The following SLC36A1 variants were observed in gnomAD, a reference collection of about 807,000 sequenced individuals.
SLC36A1 encodes proton-coupled amino acid transporter 1.
SLC36A1 carries 30 observed loss-of-function variants against 47.5 expected under a neutral mutation model. The observed-to-expected ratio is 0.63, with a 90% confidence interval of 0.47 to 0.86. The LOEUF is 0.86. Among genes scored for constraint, SLC36A1 ranks in the 40% least tolerant of loss-of-function variants. The pLI is 0.00. For synonymous variants in SLC36A1, 255 were observed against 249.7 expected (o/e 1.02, Z -0.20); for missense variants, 517 against 606.0 (o/e 0.85, Z 1.54).
the SLC36A1 span, among the ~76,000 whole-genome samples, chr5:151,509,023 T>G: frequency 6.6e-6 from 1 of 152,180 alleles, no homozygotes; most frequent in Non-Finnish European, 1.5e-5. Flanking sequence ...TCAAAGTCTC[T>G]TTCTCTCTAG....
chr5:151,380,118 A>C, the SLC36A1 span, among the ~76,000 whole-genome samples: 2 of 152,214 alleles, frequency 1.3e-5, no homozygotes, highest in Non-Finnish European at 1.5e-5. Flanking sequence ...AATCTACCAG[A>C]CTATTCAAGA....
chr5:151,553,277 G>A, the SLC36A1 span: 8 of 1,614,252 alleles, frequency 5.0e-6, no homozygotes, highest in Non-Finnish European at 6.8e-6. Context: ...AGCTGTAGTA[G>A]GTCTCATCAA....
At chr5:151,546,878 A>G in the SLC36A1 span, among the ~76,000 whole-genome samples, 4 of 152,230 alleles carry the variant, frequency 2.6e-5, no homozygotes, top group South Asian at 8.3e-4. Flanking sequence ...GTGCCTGGCT[A>G]CATTTTTAAT....
chr5:151,380,542 C>A, the SLC36A1 span: 1 of 530,622 alleles, frequency 1.9e-6, no homozygotes. Flanking sequence ...GTGGGTGATC[C>A]TAGACAAGTT....
chr5:151,370,730 C>T, the SLC36A1 span, among the ~76,000 whole-genome samples: 2 of 152,184 alleles, frequency 1.3e-5, no homozygotes, highest in South Asian at 2.1e-4. Flanking sequence ...CGGCAGCTCA[C>T]GCCTGTAATC....
At chr5:151,390,683 T>G in the SLC36A1 span, among the ~76,000 whole-genome samples, 1 of 152,216 alleles carries the variant, frequency 6.6e-6, no homozygotes, top group Non-Finnish European at 1.5e-5. Context: ...CCATTTCTTG[T>G]TTTTGTCAGG....
upstream of SLC36A1, among the ~76,000 whole-genome samples, chr5:151,446,488 C>T (rs1752927225): frequency 6.6e-6 from 1 of 152,102 alleles, no homozygotes; most frequent in Admixed American, 6.5e-5. Context: ...CAAGATTGCA[C>T]CACTGCACTC....
chr5:151,479,659 T>C, intron 10 of SLC36A1, 170 bp downstream of exon 10: 1 of 644,808 alleles, frequency 1.6e-6, no homozygotes, highest in Non-Finnish European at 2.6e-6. Context: ...GATGGGGAAG[T>C]GAATTAATTA....
chr5:151,382,810 A>C, the SLC36A1 span, among the ~76,000 whole-genome samples: 1 of 152,320 alleles, frequency 6.6e-6, no homozygotes, highest in East Asian at 1.9e-4. Context: ...CTGTTAGTTG[A>C]GCCATCTTTC....
chr5:151,552,555 A>G, the SLC36A1 span, among the ~76,000 whole-genome samples: 4 of 152,164 alleles, frequency 2.6e-5, no homozygotes, highest in African/African-American at 9.7e-5. Flanking sequence ...TCTAAATTGT[A>G]TGCAGATTTA....
the SLC36A1 span, chr5:151,525,861 G>A: frequency 2.0e-5 from 32 of 1,614,086 alleles, no homozygotes; most frequent in Middle Eastern, 1.6e-4. Flanking sequence ...AGGCAGAGCC[G>A]TTGTTCCCCT....
At chr5:151,528,148 G>A in the SLC36A1 span, 2 of 1,612,708 alleles carry the variant, frequency 1.2e-6, no homozygotes, top group East Asian at 2.2e-5. Context: ...GGTGGGGTAG[G>A]GGGATTGTGA....
At chr5:151,403,297 A>G in the SLC36A1 span, among the ~76,000 whole-genome samples, 3 of 152,074 alleles carry the variant, frequency 2.0e-5, no homozygotes, top group East Asian at 5.8e-4. Context: ...CCCCACTTAA[A>G]TCTCATGTTC....
chr5:151,522,463 A>G, the SLC36A1 span, among the ~76,000 whole-genome samples: 1 of 152,158 alleles, frequency 6.6e-6, no homozygotes, highest in African/African-American at 2.4e-5. Flanking sequence ...TGTCTCAGCA[A>G]TTCTGATGCA....
chr5:151,473,394 G>A (rs1757597358), intron 7 of SLC36A1, among the ~76,000 whole-genome samples: 1 of 152,100 alleles, frequency 6.6e-6, no homozygotes, highest in Non-Finnish European at 1.5e-5. Flanking sequence ...GGATTACCTA[G>A]TGAAAGAATG....
the SLC36A1 span, among the ~76,000 whole-genome samples, chr5:151,375,222 A>G: frequency 1.3e-5 from 2 of 152,054 alleles, no homozygotes; most frequent in Non-Finnish European, 2.9e-5. Context: ...ATCCAACTTG[A>G]GTTGATTTTT....
At chr5:151,544,360 G>C in the SLC36A1 span, 1 of 1,614,180 alleles carries the variant, frequency 6.2e-7, no homozygotes, top group Non-Finnish European at 8.5e-7. Flanking sequence ...TTCCACTGTG[G>C]CTTCAGAAAA....
chr5:151,468,421 ATAT>A, intron 7 of SLC36A1, among the ~76,000 whole-genome samples: 1 of 145,492 alleles, frequency 6.9e-6, no homozygotes, highest in Non-Finnish European at 1.5e-5. Flanking sequence ...AATGTATGTA[ATAT>A]TTATATATTG....
the SLC36A1 span, among the ~76,000 whole-genome samples, chr5:151,367,361 A>ATTTTTTTTTTTTTTTTTTTTT: frequency 1.8e-3 from 218 of 118,736 alleles, 3 homozygotes; most frequent in Middle Eastern, 4.0e-3. Context: ...CCAGGAATGC[A>ATTTTTTTTTTTTTTTTTTTTT]TTTTTTTTTT....
Sources: allele counts gnomAD v4.1 joint callset (sites outside exome capture counted in the v4.1 genomes callset), GRCh38; gene constraint gnomAD v4.1.1; transcripts MANE v1.5; gene names NCBI Gene and HGNC (gene_info 2026-07-23, HGNC 2026-07-21).